The following SYT13 variants were observed in gnomAD, a reference collection of about 807,000 sequenced individuals.
SYT13 encodes the protein synaptotagmin 13, also known as synaptotagmin-13.
SYT13 carries 21 observed loss-of-function variants against 38.6 expected under a neutral mutation model. The ratio of observed to expected loss-of-function variants is 0.54; its 90% CI spans 0.39 to 0.78. The LOEUF is 0.78. Ranked by LOEUF, SYT13 falls within the 30% of genes least tolerant of loss-of-function variation. SYT13 has a pLI of 0.00. For synonymous variants in SYT13, 241 were observed against 237.6 expected (o/e 1.01, Z -0.13); for missense variants, 495 against 548.7 (o/e 0.90, Z 0.98).
intron 1 of SYT13, among the ~76,000 whole-genome samples, chr11:45,278,051 C>T (rs936750696): frequency 6.6e-6 from 1 of 152,192 alleles, no homozygotes; most frequent in African/African-American, 2.4e-5. Flanking sequence ...GAGGAACCCA[C>T]CTTTTTCACC....
At chr11:45,246,259 C>T (rs542517279) in intron 5 of SYT13, 124 bp downstream of exon 5, 67 of 1,385,776 alleles carry the variant, frequency 4.8e-5, no homozygotes, top group Middle Eastern at 2.7e-4. Flanking sequence ...AGCATGGCTC[C>T]GTAGATGTGC....
chr11:45,278,334 G>A (rs1211432702), intron 1 of SYT13, among the ~76,000 whole-genome samples: 2 of 152,172 alleles, frequency 1.3e-5, no homozygotes, highest in Non-Finnish European at 1.5e-5. Flanking sequence ...GTAGGTCAGT[G>A]TGGACAACAA....
At chr11:45,276,743 A>G (rs1855015844) in intron 1 of SYT13, among the ~76,000 whole-genome samples, 1 of 151,934 alleles carries the variant, frequency 6.6e-6, no homozygotes. Flanking sequence ...ATAAATAAAA[A>G]TTAAAATACC....
chr11:45,257,191 G>A (rs1262163293), intron 1 of SYT13, among the ~76,000 whole-genome samples: 1 of 152,132 alleles, frequency 6.6e-6, no homozygotes, highest in Non-Finnish European at 1.5e-5. Flanking sequence ...AGTATATGGG[G>A]CTCCTCACAC....
At chr11:45,274,538 T>G (rs1854987099) in intron 1 of SYT13, among the ~76,000 whole-genome samples, 1 of 152,222 alleles carries the variant, frequency 6.6e-6, no homozygotes, top group Non-Finnish European at 1.5e-5. Context: ...GTGACTGTGC[T>G]GGAAATCAAA....
chr11:45,246,353 G>A (rs750248795), intron 5 of SYT13, 30 bp downstream of exon 5: 1 of 1,611,104 alleles, frequency 6.2e-7, no homozygotes, highest in African/African-American at 1.3e-5. Context: ...AGCTGGAGGG[G>A]CCTTGGCCAT....
chr11:45,262,345 G>A (rs1331761009), intron 1 of SYT13, among the ~76,000 whole-genome samples: 1 of 152,196 alleles, frequency 6.6e-6, no homozygotes, highest in African/African-American at 2.4e-5. Flanking sequence ...ATTATTCAAT[G>A]GGTATAGATT....
intron 1 of SYT13, among the ~76,000 whole-genome samples, chr11:45,273,543 G>A (rs1854975410): frequency 6.6e-6 from 1 of 152,108 alleles, no homozygotes; most frequent in African/African-American, 2.4e-5. Flanking sequence ...GAGCATTTAG[G>A]GGGTTCTGGA....
intron 1 of SYT13, among the ~76,000 whole-genome samples, chr11:45,273,729 T>G (rs1213093886): frequency 6.6e-6 from 1 of 152,262 alleles, no homozygotes; most frequent in East Asian, 1.9e-4. Flanking sequence ...GACATATTTA[T>G]TGAATGAATA....
chr11:45,267,824 A>G (rs1854903639), intron 1 of SYT13, among the ~76,000 whole-genome samples: 1 of 152,168 alleles, frequency 6.6e-6, no homozygotes, highest in African/African-American at 2.4e-5. Context: ...TCCACCTTGA[A>G]GAGGAGGCTT....
intron 1 of SYT13, among the ~76,000 whole-genome samples, chr11:45,275,172 T>C (rs1854995950): frequency 6.6e-6 from 1 of 152,168 alleles, no homozygotes; most frequent in Non-Finnish European, 1.5e-5. Context: ...CATCAATGTA[T>C]TCAGTCATTC....
intron 1 of SYT13, among the ~76,000 whole-genome samples, chr11:45,279,591 A>G (rs1855048553): frequency 6.6e-6 from 1 of 152,212 alleles, no homozygotes; most frequent in South Asian, 2.1e-4. Flanking sequence ...TGTCTCAAAA[A>G]ACATTTTAAT....
chr11:45,275,117 G>A (rs1451846929), intron 1 of SYT13, among the ~76,000 whole-genome samples: 1 of 152,058 alleles, frequency 6.6e-6, no homozygotes, highest in African/African-American at 2.4e-5. Context: ...AGCAGAGGTG[G>A]CAGCCCCACA....
chr11:45,270,273 A>C (rs543485116), intron 1 of SYT13, among the ~76,000 whole-genome samples: 1 of 152,342 alleles, frequency 6.6e-6, no homozygotes, highest in South Asian at 2.1e-4. Context: ...ACAATTGTTT[A>C]ATATTGGTTC....
chr11:45,281,039 A>G (rs1855065027), intron 1 of SYT13, among the ~76,000 whole-genome samples: 2 of 152,112 alleles, frequency 1.3e-5, no homozygotes, highest in African/African-American at 4.8e-5. Flanking sequence ...TACTAAAAAT[A>G]CAAAAGATTA....
chr11:45,285,094 C>T (rs1257529811), intron 1 of SYT13, among the ~76,000 whole-genome samples: 1 of 152,196 alleles, frequency 6.6e-6, no homozygotes, highest in Non-Finnish European at 1.5e-5. Context: ...AGTCATGCCC[C>T]TGCCCCAGGG....
rs1854536963 is a variant in SYT13, at chr11:45,240,410, T to G, written c.*3642A>C. On this transcript the variant is annotated 3_prime_UTR_variant, in exon 6 of 6. Coordinates refer to ENST00000020926, the MANE Select transcript of SYT13 (RefSeq NM_020826.3). ...ATCTTTTTGTGCTTTAGTTCATGAC[T>G]GCAAAACACACACTTAGCATTTGAC... is the stretch of plus-strand genomic sequence containing the variant. The G allele has an allele frequency of 6.6e-6, 1 of 152,650 alleles. No homozygotes were observed. Among genetic ancestry groups the G allele is most frequent in the Admixed American group, 6.5e-5 (1 of 15,286 alleles). 9.5% of individuals were successfully genotyped at this position (152,650 alleles called of 1,614,324 possible).
intron 1 of SYT13, among the ~76,000 whole-genome samples, chr11:45,271,747 A>G (rs1854951831): frequency 1.3e-5 from 2 of 152,220 alleles, no homozygotes; most frequent in South Asian, 4.1e-4. Context: ...ACCAACCTGG[A>G]GACACAGAGA....
intron 1 of SYT13, among the ~76,000 whole-genome samples, chr11:45,284,657 G>A (rs1441889474): frequency 1.3e-5 from 2 of 152,146 alleles, no homozygotes; most frequent in East Asian, 3.9e-4. Flanking sequence ...GGAAGGGGAG[G>A]GGGCGGTGCC....
Sources: gnomAD v4.1 joint callset for allele counts (sites outside exome capture counted in the v4.1 genomes callset) on GRCh38, gnomAD v4.1.1 for gene constraint, MANE v1.5 for transcripts, NCBI Gene and HGNC (gene_info 2026-07-23, HGNC 2026-07-21) for gene names.